CES5A: variants seen among roughly 807,000 people sequenced by gnomAD.
The protein encoded by CES5A is carboxylesterase 5A, also known as carboxylesterase 5.
CES5A carries 67 observed loss-of-function variants against 62.9 expected under a neutral mutation model. That is an observed-to-expected ratio of 1.07 (90% CI 0.88 to 1.31). The LOEUF (loss-of-function observed/expected upper bound fraction) is 1.31. Among genes scored for constraint, CES5A ranks in the 50% most tolerant of loss-of-function variants. CES5A has a pLI of 0.00. For synonymous variants in CES5A, 296 were observed against 280.8 expected (o/e 1.05, Z -0.54); for missense variants, 748 against 708.5 (o/e 1.06, Z -0.63).
At chr16:55,880,093 C>T (rs1375849111), upstream of CES5A, among the ~76,000 whole-genome samples, 5 of 152,210 alleles carry the variant, frequency 3.3e-5, no homozygotes, top group Non-Finnish European at 7.3e-5. Context: ...ATGACGATGA[C>T]TAAGACAAGG....
chr16:55,869,524 T>C, intron 4 of CES5A, 87 bp downstream of exon 4: 2 of 1,472,970 alleles, frequency 1.4e-6, no homozygotes, highest in Non-Finnish European at 1.8e-6. Context: ...GAAGGCTCGC[T>C]CCTTCTTAGG....
intron 1 of CES5A, among the ~76,000 whole-genome samples, chr16:55,906,693 A>G (rs1268567743): frequency 6.6e-6 from 1 of 152,212 alleles, no homozygotes; most frequent in Admixed American, 6.5e-5. Context: ...GGGGCTTCCC[A>G]GGGGAGCTGG....
intron 1 of CES5A, among the ~76,000 whole-genome samples, chr16:55,884,528 C>G (rs150801096): frequency 6.6e-6 from 1 of 152,288 alleles, no homozygotes; most frequent in East Asian, 1.9e-4. Flanking sequence ...CCCAGTTCTA[C>G]GGCCACCTCT....
chr16:55,941,151 G>T (rs942053695), intron 2 of CES5A, among the ~76,000 whole-genome samples: 1 of 151,888 alleles, frequency 6.6e-6, no homozygotes, highest in South Asian at 2.1e-4. Context: ...CTAGCTATTT[G>T]CAATAAGCAG....
At chr16:55,893,489 A>G (rs1228594614) in intron 1 of CES5A, among the ~76,000 whole-genome samples, 1 of 152,174 alleles carries the variant, frequency 6.6e-6, no homozygotes, top group Non-Finnish European at 1.5e-5. Context: ...ATTGGACAAA[A>G]TAAATGGAAA....
intron 2 of CES5A, among the ~76,000 whole-genome samples, chr16:55,932,942 T>A (rs2034330016): frequency 6.6e-6 from 1 of 152,328 alleles, no homozygotes; most frequent in Admixed American, 6.5e-5. Context: ...TTGGCAATGA[T>A]GATGGAAGTT....
At chr16:55,931,798 T>C (rs1196632944) in intron 2 of CES5A, among the ~76,000 whole-genome samples, 2 of 152,228 alleles carry the variant, frequency 1.3e-5, no homozygotes, top group African/African-American at 2.4e-5. Context: ...ATGAGATTTC[T>C]GAGGACAGGG....
At chr16:55,945,469 C>T (rs1280715480) in intron 2 of CES5A, among the ~76,000 whole-genome samples, 2 of 152,206 alleles carry the variant, frequency 1.3e-5, no homozygotes, top group African/African-American at 4.8e-5. Context: ...GACTATACGG[C>T]CAGTCCCAGC....
At chr16:55,924,570 T>C (rs751053893) in intron 1 of CES5A, among the ~76,000 whole-genome samples, 1 of 151,646 alleles carries the variant, frequency 6.6e-6, no homozygotes, top group Non-Finnish European at 1.5e-5. Context: ...AGAAAAAAAA[T>C]TCTGAAATGT....
intron 11 of CES5A, among the ~76,000 whole-genome samples, chr16:55,848,313 C>T (rs907262618): frequency 6.6e-6 from 1 of 151,754 alleles, no homozygotes; most frequent in Non-Finnish European, 1.5e-5. Flanking sequence ...GAGAGGGGGT[C>T]TTACTATGTT....
chr16:55,884,153 C>T (rs1382578848), intron 1 of CES5A, among the ~76,000 whole-genome samples: 1 of 152,208 alleles, frequency 6.6e-6, no homozygotes, highest in Admixed American at 6.5e-5. Flanking sequence ...GATCTGGCCA[C>T]CTTTTCATTC....
At chr16:55,887,048 T>C (rs2033823941) in intron 1 of CES5A, among the ~76,000 whole-genome samples, 1 of 152,142 alleles carries the variant, frequency 6.6e-6, no homozygotes, top group Non-Finnish European at 1.5e-5. Flanking sequence ...ATCAACACGC[T>C]GCAGGGTTGG....
Position 55,854,544 on chromosome 16 carries a change from C to CTTTTT in CES5A, c.1126-1521_1126-1517dup, listed in dbSNP as rs56017491. ...CCTGTAGTGTTTCTTTTTTTTTTTT[C>CTTTTT]TTTTTTTTTTTTTGAGACAGAGTCT... On this transcript the variant is annotated intron_variant, in intron 9 of 12. Transcript: ENST00000290567. Among the ~76,000 whole-genome samples, 11 of 64,422 alleles carry CTTTTT rather than the reference C, an allele frequency of 1.7e-4. 2 individuals carry two copies. Among genetic ancestry groups the CTTTTT allele is most frequent in the East Asian group, 6.2e-4 (1 of 1,606 alleles). The allele number at this position is 64,422 out of a possible 152,430, so 42.3% of individuals were successfully genotyped here. A position where few individuals can be genotyped will look rare whatever the true frequency, so the allele number is the denominator to read the frequency against.
chr16:55,873,243 G>A (rs2033629485), intron 2 of CES5A, among the ~76,000 whole-genome samples: 1 of 152,132 alleles, frequency 6.6e-6, no homozygotes, highest in African/African-American at 2.4e-5. Flanking sequence ...AATCTGCAGT[G>A]ACCAGGAGCT....
At chr16:55,858,103 C>A (rs12446564) in intron 8 of CES5A, among the ~76,000 whole-genome samples, 49,744 of 151,820 alleles carry the variant, frequency 0.33, 9,319 homozygotes, top group African/African-American at 0.52. Flanking sequence ...ATAGGCTGAG[C>A]CAGGAGAATC....
intron 1 of CES5A, among the ~76,000 whole-genome samples, chr16:55,882,271 A>C (rs1323556331): frequency 6.6e-6 from 1 of 152,134 alleles, no homozygotes. Context: ...CTTATCTCCT[A>C]ATGGAAAGTT....
intron 1 of CES5A, among the ~76,000 whole-genome samples, chr16:55,889,460 C>G (rs2033851826): frequency 6.6e-6 from 1 of 152,134 alleles, no homozygotes; most frequent in Non-Finnish European, 1.5e-5. Context: ...GCTCACAGAA[C>G]TCAAGTCAAC....
At chr16:55,870,078 G>T (rs1228021639) in intron 3 of CES5A, among the ~76,000 whole-genome samples, 1 of 152,216 alleles carries the variant, frequency 6.6e-6, no homozygotes, top group South Asian at 2.1e-4. Flanking sequence ...TGCATCTAAA[G>T]CTCATAGAAC....
At chr16:55,903,062 G>C (rs1171566311) in intron 1 of CES5A, among the ~76,000 whole-genome samples, 2 of 152,112 alleles carry the variant, frequency 1.3e-5, no homozygotes, top group African/African-American at 4.8e-5. Flanking sequence ...CTAGGCATCA[G>C]TCTGAAATGA....
Sources: allele counts gnomAD v4.1 joint callset (sites outside exome capture counted in the v4.1 genomes callset), GRCh38; gene constraint gnomAD v4.1.1; transcripts MANE v1.5; gene names NCBI Gene and HGNC (gene_info 2026-07-23, HGNC 2026-07-21).